Variants in LRRC4C observed in about 807,000 individuals in gnomAD.
The protein encoded by LRRC4C is leucine-rich repeat-containing protein 4C.
Under a neutral mutation model 33.6 loss-of-function variants are expected in LRRC4C, and 5 were observed. The ratio of observed to expected loss-of-function variants is 0.15; its 90% CI spans 0.08 to 0.31. The LOEUF is 0.31. Among genes scored for constraint, LRRC4C ranks in the 10% least tolerant of loss-of-function variants. The pLI, the probability that LRRC4C is intolerant of heterozygous loss-of-function variation, is 1.00. For synonymous variants in LRRC4C, 329 were observed against 302.0 expected (o/e 1.09, Z -0.93); for missense variants, 560 against 796.7 (o/e 0.70, Z 3.58).
intron 3 of LRRC4C, among the ~76,000 whole-genome samples, chr11:40,607,557 A>G (rs1019243863): frequency 6.6e-6 from 1 of 152,064 alleles, no homozygotes; most frequent in South Asian, 2.1e-4. Context: ...GCCATCAGAG[A>G]AGAGCTTGGC....
intron 1 of LRRC4C, among the ~76,000 whole-genome samples, chr11:41,148,586 T>C (rs1943839311): frequency 6.6e-6 from 1 of 152,058 alleles, no homozygotes; most frequent in African/African-American, 2.4e-5. Context: ...ATTATCTTAA[T>C]GGTTTTAGCT....
chr11:41,043,077 T>A (rs1053404765), intron 1 of LRRC4C, among the ~76,000 whole-genome samples: 3 of 146,542 alleles, frequency 2.0e-5, no homozygotes, highest in Non-Finnish European at 4.5e-5. Context: ...CCTTTTTTTT[T>A]TTTTTTTTTT....
intron 4 of LRRC4C, among the ~76,000 whole-genome samples, chr11:40,307,587 T>C (rs1293576960): frequency 6.6e-6 from 1 of 152,234 alleles, no homozygotes; most frequent in Non-Finnish European, 1.5e-5. Context: ...CCTTCTGCCA[T>C]GTTGTATAGT....
intron 3 of LRRC4C, among the ~76,000 whole-genome samples, chr11:40,562,634 C>T (rs915190539): frequency 2.6e-5 from 4 of 152,152 alleles, no homozygotes; most frequent in South Asian, 2.1e-4. Flanking sequence ...GCTGATGCTT[C>T]TCTTTTTTTC....
chr11:40,903,328 C>T (rs993699206), intron 2 of LRRC4C, among the ~76,000 whole-genome samples: 5 of 152,116 alleles, frequency 3.3e-5, no homozygotes, highest in Non-Finnish European at 7.4e-5. Context: ...TATTTAAAAA[C>T]GTTACTGCTG....
At chr11:41,361,169 C>T (rs1316654644) in intron 1 of LRRC4C, among the ~76,000 whole-genome samples, 4 of 152,108 alleles carry the variant, frequency 2.6e-5, no homozygotes, top group East Asian at 1.9e-4. Context: ...TTCACGAATA[C>T]GATGATGTCA....
chr11:40,799,392 CTT>C (rs541434134), intron 2 of LRRC4C, among the ~76,000 whole-genome samples: 140 of 152,254 alleles, frequency 9.2e-4, no homozygotes, highest in Non-Finnish European at 1.7e-3. Context: ...AAAGTCCTCT[CTT>C]ATGTTTTATG....
intron 2 of LRRC4C, among the ~76,000 whole-genome samples, chr11:40,751,158 A>T (rs1445182926): frequency 9.2e-5 from 14 of 152,176 alleles, no homozygotes; most frequent in Non-Finnish European, 1.9e-4. Flanking sequence ...TATAGTTAAC[A>T]TCATAATCAA....
At chr11:40,407,643 G>T (rs1217556873) in intron 3 of LRRC4C, among the ~76,000 whole-genome samples, 1 of 152,042 alleles carries the variant, frequency 6.6e-6, no homozygotes, top group Admixed American at 6.6e-5. Context: ...TCCTGTTCTA[G>T]CTCCAACTAC....
chr11:40,607,613 C>T (rs1960762057), intron 3 of LRRC4C, among the ~76,000 whole-genome samples: 1 of 152,152 alleles, frequency 6.6e-6, no homozygotes, highest in Non-Finnish European at 1.5e-5. Context: ...CCCACTCCAT[C>T]TCCCTTTTGG....
intron 1 of LRRC4C, among the ~76,000 whole-genome samples, chr11:41,153,968 T>C (rs1305201278): frequency 6.6e-6 from 1 of 151,982 alleles, no homozygotes; most frequent in African/African-American, 2.4e-5. Context: ...TAGGGGGATG[T>C]GGCCACAAGT....
chr11:41,402,492 C>A (rs1361698282), intron 1 of LRRC4C, among the ~76,000 whole-genome samples: 1 of 151,988 alleles, frequency 6.6e-6, no homozygotes, highest in Non-Finnish European at 1.5e-5. Flanking sequence ...CTACTCAGTG[C>A]CAGTATTGTG....
chr11:40,273,268 G>A (rs2136359566), intron 4 of LRRC4C, among the ~76,000 whole-genome samples: 1 of 152,170 alleles, frequency 6.6e-6, no homozygotes, highest in Middle Eastern at 3.4e-3. Flanking sequence ...TAGGTAATGT[G>A]GTAAGTGTTA....
intron 3 of LRRC4C, among the ~76,000 whole-genome samples, chr11:40,487,765 T>A (rs1182885992): frequency 6.6e-6 from 1 of 152,150 alleles, no homozygotes; most frequent in South Asian, 2.1e-4. Flanking sequence ...GATTTTGATC[T>A]TGTTTAAAAA....
chr11:41,096,023 T>C (rs1236247512), intron 1 of LRRC4C, among the ~76,000 whole-genome samples: 1 of 152,054 alleles, frequency 6.6e-6, no homozygotes. Flanking sequence ...GTATTATAGA[T>C]AAATATTATG....
chr11:40,823,616 T>G (rs1338919911), intron 2 of LRRC4C, among the ~76,000 whole-genome samples: 1 of 151,784 alleles, frequency 6.6e-6, no homozygotes, highest in Non-Finnish European at 1.5e-5. Flanking sequence ...CTTTTATCAT[T>G]AGAGAAATGC....
At chr11:40,175,773 T>C (rs1303916369) in intron 5 of LRRC4C, among the ~76,000 whole-genome samples, 1 of 152,188 alleles carries the variant, frequency 6.6e-6, no homozygotes. Flanking sequence ...TTTCAGCCCT[T>C]GATTATATAC....
chr11:40,785,700 C>T (rs1950385536), intron 2 of LRRC4C, among the ~76,000 whole-genome samples: 2 of 152,124 alleles, frequency 1.3e-5, no homozygotes. Flanking sequence ...AAAAACAATA[C>T]ACTTTTAACT....
chr11:41,067,631 G>A (rs925964944), intron 1 of LRRC4C, among the ~76,000 whole-genome samples: 7 of 152,136 alleles, frequency 4.6e-5, no homozygotes, highest in Non-Finnish European at 8.8e-5. Flanking sequence ...GTGCCGCATG[G>A]CACTTATTCT....
Sources: gnomAD v4.1 joint callset for allele counts (sites outside exome capture counted in the v4.1 genomes callset) on GRCh38, gnomAD v4.1.1 for gene constraint, MANE v1.5 for transcripts, NCBI Gene and HGNC (gene_info 2026-07-23, HGNC 2026-07-21) for gene names.